The following DMD variants were observed in gnomAD, a reference collection of about 807,000 sequenced individuals.
The protein encoded by DMD is mutant dystrophin.
DMD carries 63 observed loss-of-function variants against 330.1 expected under a neutral mutation model. The ratio of observed to expected loss-of-function variants is 0.19; its 90% CI spans 0.16 to 0.24. The LOEUF is 0.24. Among genes scored for constraint, DMD ranks in the 10% least tolerant of loss-of-function variants. The pLI is 1.00. For missense variants in DMD, 3,344 were observed against 2,684.1 expected, an observed-to-expected ratio of 1.25 and a Z score of -5.43; for synonymous variants, 1,223 against 959.8, an observed-to-expected ratio of 1.27 and a Z score of -5.07.
At chrX:31,950,307 CTTCTGTTGAA>C (rs1459358614) in intron 45 of DMD, among the ~76,000 whole-genome samples, 1 of 111,036 alleles carries the variant, frequency 9.0e-6, no homozygotes, top group African/African-American at 3.3e-5. Flanking sequence ...TCCAAATTTC[CTTCTGTTGAA>C]TTCCAATTTA....
At chrX:31,880,759 G>A (rs1603524957) in intron 47 of DMD, among the ~76,000 whole-genome samples, 1 of 112,253 alleles carries the variant, frequency 8.9e-6, no homozygotes, top group Admixed American at 9.5e-5. Context: ...TTACTCTCAC[G>A]TTTGTGGTGA....
At chrX:32,299,588 T>C (rs1171858016) in intron 42 of DMD, among the ~76,000 whole-genome samples, 2 of 110,060 alleles carry the variant, frequency 1.8e-5, no homozygotes, top group Admixed American at 1.9e-4. Flanking sequence ...AGAAACTGTA[T>C]AGCGTAGTGC....
intron 19 of DMD, among the ~76,000 whole-genome samples, chrX:32,496,625 C>T (rs1207940995): frequency 8.9e-6 from 1 of 112,483 alleles, no homozygotes; most frequent in African/African-American, 3.2e-5. Flanking sequence ...GTGACAACAA[C>T]AGTCTCTTTC....
intron 42 of DMD, among the ~76,000 whole-genome samples, chrX:32,302,683 T>G (rs1483780465): frequency 1.8e-5 from 2 of 111,462 alleles, no homozygotes; most frequent in East Asian, 5.6e-4. Flanking sequence ...TGGAAATTTA[T>G]AACTTTCTTA....
chrX:32,379,733 A>G (rs991952174), intron 34 of DMD, among the ~76,000 whole-genome samples: 1 of 111,599 alleles, frequency 9.0e-6, no homozygotes, highest in East Asian at 2.8e-4. Context: ...AATAATCTGG[A>G]TAGCCACATT....
At chrX:32,810,957 A>G (rs1019578412) in intron 6 of DMD, among the ~76,000 whole-genome samples, 1 of 110,870 alleles carries the variant, frequency 9.0e-6, no homozygotes, top group African/African-American at 3.3e-5. Flanking sequence ...AGACATAAAC[A>G]TGGCTCACTC....
chrX:32,140,056 C>A lies in DMD; in HGVS notation c.6438+76860G>T, dbSNP rs763147472. ...TAATATACTAAAATTACTTGTTCCA[C>A]CCTTGTTTTTGTCTTGTTTACATCC... On this transcript the variant is annotated intron_variant, in intron 44 of 78. Coordinates refer to ENST00000357033, the MANE Select transcript of DMD (RefSeq NM_004006.3). 7.1e-5 allele frequency among the ~76,000 whole-genome samples: 8 copies of A among 112,159 alleles called. No individual in the cohort carries two copies. In the South Asian group the frequency reaches 3.0e-3, roughly 41 times the overall value.
intron 49 of DMD, among the ~76,000 whole-genome samples, chrX:31,824,918 T>C (rs73213885): frequency 0.078 from 8,684 of 111,391 alleles, 253 homozygotes; most frequent in Middle Eastern, 0.11. Context: ...TTATCCAGAA[T>C]GCATGATGTA....
chrX:33,169,437 A>T (rs1159677959), intron 1 of DMD, among the ~76,000 whole-genome samples: 1 of 111,647 alleles, frequency 9.0e-6, no homozygotes, highest in Non-Finnish European at 1.9e-5. Flanking sequence ...GCTTCAAAGG[A>T]CAAAACAAAG....
At chrX:31,851,666 AACAG>A (rs2093529168) in intron 48 of DMD, among the ~76,000 whole-genome samples, 1 of 112,584 alleles carries the variant, frequency 8.9e-6, no homozygotes, top group Non-Finnish European at 1.9e-5. Context: ...CAGCGAATAA[AACAG>A]ACAAACTTTT....
intron 55 of DMD, among the ~76,000 whole-genome samples, chrX:31,621,356 CCTAA>C (rs778234315): frequency 8.9e-6 from 1 of 112,178 alleles, no homozygotes; most frequent in East Asian, 2.8e-4. Context: ...GAAATAATGT[CCTAA>C]CTGTTGTCCC....
intron 19 of DMD, 66 bp from the exon 20 acceptor site, chrX:32,491,584 C>T (rs1218670549): frequency 9.7e-7 from 1 of 1,026,186 alleles, no homozygotes; most frequent in Non-Finnish European, 1.3e-6. Flanking sequence ...GATCTGAAAG[C>T]CAACACATCC....
chrX:33,000,301 A>C (rs1425641069), intron 2 of DMD, among the ~76,000 whole-genome samples: 2 of 111,903 alleles, frequency 1.8e-5, no homozygotes, highest in African/African-American at 6.5e-5. Flanking sequence ...TGGCTTCAAA[A>C]ATAGTACATC....
At chrX:32,467,269 T>C (rs1343653032) in intron 23 of DMD, among the ~76,000 whole-genome samples, 1 of 111,714 alleles carries the variant, frequency 9.0e-6, no homozygotes, top group Non-Finnish European at 1.9e-5. Flanking sequence ...TTTCGACATT[T>C]CCTTCCCAGC....
chrX:33,010,240 A>C (rs1441957524), intron 2 of DMD, among the ~76,000 whole-genome samples: 4 of 105,047 alleles, frequency 3.8e-5, no homozygotes, highest in Non-Finnish European at 7.7e-5. Context: ...ATATATGTAC[A>C]TATGTGTGTA....
At chrX:31,761,132 G>A (rs1345949899) in intron 51 of DMD, among the ~76,000 whole-genome samples, 10 of 110,083 alleles carry the variant, frequency 9.1e-5, no homozygotes, top group Non-Finnish European at 1.5e-4. Flanking sequence ...TGATCCGCCC[G>A]CCTCATCCTC....
At position 33,098,668 on chromosome X, in the gene DMD, G is replaced by A. The variant is rs945663094; in HGVS notation, c.32-78468C>T. On this transcript the variant is annotated intron_variant, in intron 1 of 78. Transcript: ENST00000357033. ...CTGGTGCTGCAAAGAAACAGCACTC[G>A]AACATAAATTTAACTCTCTCAGCAA... Among the ~76,000 whole-genome samples, 7 of 111,706 alleles carry A rather than the reference G, an allele frequency of 6.3e-5. No individual in the cohort carries two copies. The East Asian group carries it at 1.7e-3, about 27-fold the overall frequency.
chrX:32,869,170 G>T (rs2082753361), intron 2 of DMD, among the ~76,000 whole-genome samples: 1 of 110,741 alleles, frequency 9.0e-6, no homozygotes, highest in African/African-American at 3.3e-5. Context: ...TATAGAAGAG[G>T]GACCTGTTAA....
intron 16 of DMD, among the ~76,000 whole-genome samples, chrX:32,558,933 A>ATTT (rs1569199318): frequency 1.2e-4 from 8 of 64,302 alleles, no homozygotes; most frequent in Non-Finnish European, 1.7e-4. Context: ...GTAACTTCAA[A>ATTT]TTTTCTTTTT....
Sources: gnomAD v4.1 joint callset for allele counts (sites outside exome capture counted in the v4.1 genomes callset) on GRCh38, gnomAD v4.1.1 for gene constraint, MANE v1.5 for transcripts, NCBI Gene and HGNC (gene_info 2026-07-23, HGNC 2026-07-21) for gene names.